Variants in MGMT observed in about 807,000 individuals in gnomAD.
MGMT encodes methylated-DNA--protein-cysteine methyltransferase.
In MGMT, 14 loss-of-function variants were observed where a neutral mutation model predicts 15.9. That is an observed-to-expected ratio of 0.88 (90% CI 0.58 to 1.37). The LOEUF (loss-of-function observed/expected upper bound fraction) is 1.37. Ranked by LOEUF, MGMT falls within the 40% of genes most tolerant of loss-of-function variation. The pLI is 0.00. For synonymous variants in MGMT, 130 were observed against 118.2 expected (o/e 1.10, Z -0.65); for missense variants, 282 against 268.1 (o/e 1.05, Z -0.36).
intron 2 of MGMT, among the ~76,000 whole-genome samples, chr10:129,643,914 T>C (rs1481057292): frequency 6.6e-6 from 1 of 152,212 alleles, no homozygotes; most frequent in African/African-American, 2.4e-5. Flanking sequence ...AGGTTTTTTT[T>C]CATCTCTTTC....
At chr10:129,632,184 A>G (rs930356033) in intron 2 of MGMT, among the ~76,000 whole-genome samples, 3 of 152,236 alleles carry the variant, frequency 2.0e-5, no homozygotes, top group African/African-American at 7.2e-5. Context: ...TTGGATATGC[A>G]GTAGCCTGGC....
intron 3 of MGMT, among the ~76,000 whole-genome samples, chr10:129,756,216 T>C (rs1848804320): frequency 6.6e-6 from 1 of 152,140 alleles, no homozygotes; most frequent in Non-Finnish European, 1.5e-5. Context: ...AGCCATGTCC[T>C]TCAGATGCAG....
chr10:129,625,333 A>G (rs1847134154), intron 2 of MGMT, among the ~76,000 whole-genome samples: 1 of 152,220 alleles, frequency 6.6e-6, no homozygotes, highest in African/African-American at 2.4e-5. Context: ...AAGGAATAGC[A>G]GAAGAGAGAA....
At chr10:129,704,492 A>G (rs1467696001) in intron 2 of MGMT, among the ~76,000 whole-genome samples, 1 of 152,084 alleles carries the variant, frequency 6.6e-6, no homozygotes, top group East Asian at 1.9e-4. Flanking sequence ...GGATCTGGGT[A>G]AGGCGGCAGT....
chr10:129,707,025 G>C (rs1038495239), intron 2 of MGMT, among the ~76,000 whole-genome samples: 16 of 152,232 alleles, frequency 1.1e-4, no homozygotes, highest in African/African-American at 3.8e-4. Context: ...AGTTTGGGGG[G>C]CCCACGCGGG....
intron 2 of MGMT, among the ~76,000 whole-genome samples, chr10:129,654,767 G>A (rs538503889): frequency 1.3e-5 from 2 of 152,188 alleles, no homozygotes; most frequent in East Asian, 3.9e-4. Context: ...GCCCCCTCCT[G>A]CCCATACCTC....
rs971541184 is a variant in MGMT, at chr10:129,769,315, C to G, written c.*2318C>G. 1 of 152,256 alleles carries G rather than the reference C, an allele frequency of 6.6e-6. No homozygotes were observed. Among genetic ancestry groups the G allele is most frequent in the Non-Finnish European group, 1.5e-5 (1 of 68,052 alleles). 9.4% of individuals were successfully genotyped at this position (152,256 alleles called of 1,614,324 possible). On this transcript the variant is annotated 3_prime_UTR_variant, in exon 5 of 5. Coordinates refer to ENST00000651593, the MANE Select transcript of MGMT (RefSeq NM_002412.5). The stretch of plus-strand genomic sequence containing the variant: ...CCGAGGCCGACATGAAAAGCCAGCA[C>G]GCGGGTCGCCTAGAGCCGCTCTGCC...
In MGMT at chr10:129,653,913, C is replaced by G. The variant is rs536992287; in HGVS notation, c.126-53982C>G. Among the ~76,000 whole-genome samples, 378 of 152,126 alleles carry G rather than the reference C, an allele frequency of 2.5e-3. 2 individuals carry two copies. The highest frequency in any genetic ancestry group is 4.6e-3 in the Non-Finnish European group (314 of 67,968). The stretch of plus-strand genomic sequence containing the variant: ...GTGCTGGGGATGAGAGGAGAGCGGC[C>G]CTGCAGTCAAGGGGCCAGGTGGAGC... On this transcript the variant is annotated intron_variant, in intron 2 of 4. Transcript: ENST00000651593.
chr10:129,644,341 C>A (rs1419542497), intron 2 of MGMT, among the ~76,000 whole-genome samples: 1 of 152,228 alleles, frequency 6.6e-6, no homozygotes, highest in Non-Finnish European at 1.5e-5. Context: ...TACACTGCGG[C>A]ATGTGCTGGA....
chr10:129,738,164 C>G (rs896994629), intron 3 of MGMT, among the ~76,000 whole-genome samples: 1 of 152,246 alleles, frequency 6.6e-6, no homozygotes, highest in African/African-American at 2.4e-5. Context: ...TCGCTGCCAC[C>G]TTGCAGTTTG....
chr10:129,746,544 T>A (rs1005658961), intron 3 of MGMT, among the ~76,000 whole-genome samples: 11 of 152,172 alleles, frequency 7.2e-5, no homozygotes, highest in African/African-American at 2.7e-4. Context: ...GATATCCAAT[T>A]TTCCAGCACC....
At chr10:129,734,009 G>A (rs1395347322) in intron 3 of MGMT, among the ~76,000 whole-genome samples, 2 of 151,292 alleles carry the variant, frequency 1.3e-5, no homozygotes, top group Non-Finnish European at 3.0e-5. Context: ...CTCCAGCTTT[G>A]TTCTTTTGGC....
At chr10:129,574,795 T>C (rs1846460394) in intron 2 of MGMT, among the ~76,000 whole-genome samples, 1 of 152,166 alleles carries the variant, frequency 6.6e-6, no homozygotes, top group South Asian at 2.1e-4. Flanking sequence ...TTTCCCTAAG[T>C]TTCCCACTTT....
chr10:129,489,359 CAAAAAAAAAAAAAA>C (rs34274988), intron 1 of MGMT, among the ~76,000 whole-genome samples: 1 of 57,362 alleles, frequency 1.7e-5, no homozygotes, highest in African/African-American at 7.5e-5. Context: ...GACTCTGTCT[CAAAAAAAAAAAAAA>C]AAAAAAAAAA....
chr10:129,726,278 G>A (rs1848432371), intron 3 of MGMT, among the ~76,000 whole-genome samples: 2 of 152,272 alleles, frequency 1.3e-5, no homozygotes, highest in Admixed American at 6.5e-5. Flanking sequence ...CAAGCTCATA[G>A]GAAGGGGTAA....
chr10:129,508,185 T>C (rs1024356071), intron 1 of MGMT, among the ~76,000 whole-genome samples: 5 of 152,066 alleles, frequency 3.3e-5, no homozygotes, highest in African/African-American at 1.2e-4. Flanking sequence ...GCCAGCCCTT[T>C]TGTGGAGTAA....
At chr10:129,720,945 A>G (rs942505620) in intron 3 of MGMT, among the ~76,000 whole-genome samples, 5 of 150,578 alleles carry the variant, frequency 3.3e-5, no homozygotes, top group Non-Finnish European at 7.4e-5. Context: ...TCAGGGGGAA[A>G]AAAAAAAAAG....
intron 1 of MGMT, among the ~76,000 whole-genome samples, chr10:129,535,310 C>T (rs190674219): frequency 5.9e-5 from 9 of 152,150 alleles, no homozygotes; most frequent in East Asian, 3.9e-4. Flanking sequence ...GAGGGAGGAT[C>T]GCTAGAGCCC....
At chr10:129,583,669 C>T (rs1284506835) in intron 2 of MGMT, among the ~76,000 whole-genome samples, 4 of 152,252 alleles carry the variant, frequency 2.6e-5, no homozygotes, top group Non-Finnish European at 4.4e-5. Context: ...GTCTCTGTGG[C>T]ACACATAGCA....
Sources: gnomAD v4.1 joint callset for allele counts (sites outside exome capture counted in the v4.1 genomes callset) on GRCh38, gnomAD v4.1.1 for gene constraint, MANE v1.5 for transcripts, NCBI Gene and HGNC (gene_info 2026-07-23, HGNC 2026-07-21) for gene names.